The following ALOX15B variants were observed in gnomAD, a reference collection of about 807,000 sequenced individuals.
ALOX15B encodes the protein polyunsaturated fatty acid lipoxygenase ALOX15B.
A neutral mutation model predicts 73.8 loss-of-function variants in ALOX15B; 74 were observed. The ratio of observed to expected loss-of-function variants is 1.00; its 90% CI spans 0.83 to 1.22. The LOEUF (loss-of-function observed/expected upper bound fraction) is 1.22, where lower values mean the gene tolerates loss of function less well. Ranked by LOEUF, ALOX15B falls within the 50% of genes most tolerant of loss-of-function variation. The pLI, the probability that ALOX15B is intolerant of heterozygous loss-of-function variation, is 0.00. For missense variants in ALOX15B, 896 were observed against 859.9 expected (o/e 1.04, Z -0.52); for synonymous variants, 353 against 357.2 (o/e 0.99, Z 0.13).
intron 3 of ALOX15B, among the ~76,000 whole-genome samples, chr17:8,041,417 G>T (rs1272810275): frequency 6.6e-6 from 1 of 152,156 alleles, no homozygotes; most frequent in Non-Finnish European, 1.5e-5. Flanking sequence ...AACACTCTAG[G>T]CTCTTATAAA....
rs200104058 is a variant in ALOX15B at position 8,048,500 on chromosome 17, C to G, written c.1966C>G (p.Gln656Glu). 4 of 1,614,128 alleles carry G rather than the reference C, an allele frequency of 2.5e-6. No individual in the cohort carries two copies. In the East Asian group the frequency reaches 8.9e-5, roughly 36 times the overall value. The change falls in exon 14 of 14, where the codon CAG (glutamine) becomes GAG (glutamate). Residue 656 changes from glutamine to glutamate, a missense_variant. Transcript: ENST00000380183. ...CTCGAGGGGCATCCAGGAGCGGAACCAGGGCCTGGTGCTGCCCTACACCTA... is the reference window on the plus strand; with the variant it reads ...CTCGAGGGGCATCCAGGAGCGGAACGAGGGCCTGGTGCTGCCCTACACCTA... ...QISRGIQERN[Q>E]GLVLPYTYLD...
In ALOX15B at chr17:8,044,821, C is replaced by G; in HGVS notation, c.677-8C>G. On this transcript the variant is annotated splice_polypyrimidine_tract_variant and splice_region_variant and intron_variant, in intron 5 of 13. Transcript: ENST00000380183. ...TGACCCCGTTCCCCTGTCCCCCACC[C>G]CCTGCAGAGCACGCATTTGAGCACT... 1 of 1,612,302 alleles carries G rather than the reference C, an allele frequency of 6.2e-7. No individual in the cohort carries two copies. The highest frequency in any genetic ancestry group is 8.5e-7 in the Non-Finnish European group (1 of 1,178,854).
intron 5 of ALOX15B, among the ~76,000 whole-genome samples, chr17:8,044,439 A>G (rs1425293205): frequency 6.6e-6 from 1 of 151,914 alleles, no homozygotes; most frequent in East Asian, 1.9e-4. Context: ...AAAAAAAAAA[A>G]AAGGAAAGAA....
Position 8,046,651 on chromosome 17 carries a change from A to G in ALOX15B, c.1201-17A>G, listed in dbSNP as rs1976615684. ...AACCCAGGCCTCCCCTAGCTCTGCC[A>G]TTTTCCTGCCATGCAGCTGCTGATC... On this transcript the variant is annotated splice_polypyrimidine_tract_variant and intron_variant, in intron 8 of 13. Transcript: ENST00000380183. 2 of 1,611,346 alleles carry G rather than the reference A, an allele frequency of 1.2e-6. No homozygotes were observed. Among genetic ancestry groups the G allele is most frequent in the Non-Finnish European group, 1.7e-6 (2 of 1,178,944 alleles).
At position 8,039,946 on chromosome 17, in the gene ALOX15B, CG is replaced by C; in HGVS notation, c.413del (p.Arg138ProfsTer58). 6.2e-7 allele frequency: 1 copy of C among 1,613,134 alleles called. No individual in the cohort carries two copies. Among genetic ancestry groups the C allele is most frequent in the Non-Finnish European group, 8.5e-7 (1 of 1,179,616 alleles). On this transcript the variant is annotated frameshift_variant, in exon 3 of 14. Transcript: ENST00000380183. LOFTEE classifies it high-confidence loss of function. The stretch of plus-strand genomic sequence containing the variant: ...CCACCACCCTGTGCTCCAGCAACAG[CG>C]CCAGGAGGAGCTTCAGGCCCGGCAG... Reference protein sequence around the residue: ...ADHHPVLQQQRQEELQARQEM... With the variant: ...ADHHPVLQQQXQEELQARQEM...
rs367758401 is a variant in ALOX15B at position 8,045,362 on chromosome 17, C to T, written c.974C>T (p.Pro325Leu). ...CTATACCAGAGCCCAGGCTGCGGGCCGCTGCTGCCTCTCGCCATCCAGGTA... is the reference window on the plus strand; with the variant it reads ...CTATACCAGAGCCCAGGCTGCGGGCTGCTGCTGCCTCTCGCCATCCAGGTA... Reference protein sequence around the residue: ...TLLYQSPGCGPLLPLAIQLSQ... With the variant: ...TLLYQSPGCGLLLPLAIQLSQ... Residue 325 changes from proline to leucine, a missense_variant, in exon 7 of 14, where the codon CCG (proline) becomes CTG (leucine). Pro to Leu is a moderately conservative substitution (Grantham distance 98). Transcript: ENST00000380183. 1.1e-4 allele frequency: 177 copies of T among 1,614,110 alleles called. No individual in the cohort carries two copies. Among genetic ancestry groups the T allele is most frequent in the Non-Finnish European group, 1.4e-4 (160 of 1,180,024 alleles).
chr17:8,039,518 C>G lies in ALOX15B; in HGVS notation c.280C>G (p.Leu94Val). 6 of 1,558,766 alleles carry G rather than the reference C, an allele frequency of 3.8e-6. No homozygotes were observed. Among genetic ancestry groups the G allele is most frequent in the Non-Finnish European group, 5.2e-6 (6 of 1,155,184 alleles). The change falls in exon 2 of 14, where the codon CTG becomes GTG. Residue 94 changes from leucine to valine, a missense_variant. By Grantham distance (32) the Leu-to-Val change is conservative. Transcript: ENST00000380183. Reference sequence around the variant, plus strand: ...TGCCTGGTTCTGCCGCTGGTTCCAGCTGACACCGCCGCGGGGCGGCCACCT... The same window carrying G: ...TGCCTGGTTCTGCCGCTGGTTCCAGGTGACACCGCCGCGGGGCGGCCACCT... ...PDAWFCRWFQLTPPRGGHLLF... is the reference protein window; with the variant it reads ...PDAWFCRWFQVTPPRGGHLLF...
chr17:8,046,474 G>A lies in ALOX15B; in HGVS notation c.1201-194G>A, dbSNP rs146146180. ...GAGGCTCAGGGAGAGGAAGGAGCAC[G>A]CCTGAGCTCCCAGAACAAGCTGCTG... On this transcript the variant is annotated intron_variant, in intron 8 of 13. Transcript: ENST00000380183. Among the ~76,000 whole-genome samples the A allele has an allele frequency of 3.6e-4, 55 of 152,296 alleles. No individual in the cohort carries two copies. The East Asian group carries it at 8.7e-3, about 24-fold the overall frequency.
intron 3 of ALOX15B, among the ~76,000 whole-genome samples, chr17:8,040,591 A>AAGAG (rs1567969481): frequency 3.3e-5 from 4 of 121,006 alleles, no homozygotes; most frequent in African/African-American, 1.4e-4. Context: ...GAAAGAGAGA[A>AAGAG]AGAAAGAGAG....
At chr17:8,044,129 A>AAGGG (rs2151813387) in intron 5 of ALOX15B, among the ~76,000 whole-genome samples, 1 of 146,218 alleles carries the variant, frequency 6.8e-6, no homozygotes, top group East Asian at 2.0e-4. Flanking sequence ...GGAAGGAAGG[A>AAGGG]AGGAAGGAAG....
At chr17:8,041,251 C>A (rs554241142) in intron 3 of ALOX15B, among the ~76,000 whole-genome samples, 1 of 152,326 alleles carries the variant, frequency 6.6e-6, no homozygotes, top group Admixed American at 6.5e-5. Flanking sequence ...CTCTTCAATT[C>A]TTATTTTCTT....
intron 1 of ALOX15B, 38 bp downstream of exon 1, chr17:8,039,340 G>A: frequency 6.3e-7 from 1 of 1,591,396 alleles, no homozygotes; most frequent in South Asian, 1.1e-5. Flanking sequence ...AGGTGAAGGG[G>A]GCGAGCAGGA....
Position 8,045,481 on chromosome 17 carries a change from A to G in ALOX15B, c.997-2A>G. The G allele has an allele frequency of 6.2e-7, 1 of 1,613,842 alleles. No homozygotes were observed. Among genetic ancestry groups the G allele is most frequent in the South Asian group, 1.1e-5 (1 of 91,060 alleles). Reference sequence around the variant, plus strand: ...CCTCTCTCCCCACCTGCCTCCCCCCAGCTCAGCCAGACCCCCGGCCCAAAC... The same window carrying G: ...CCTCTCTCCCCACCTGCCTCCCCCCGGCTCAGCCAGACCCCCGGCCCAAAC... On this transcript the variant is annotated splice_acceptor_variant, in intron 7 of 13. Coordinates refer to ENST00000380183, the MANE Select transcript of ALOX15B (RefSeq NM_001141.3). LOFTEE classifies it high-confidence loss of function.
At chr17:8,045,175 TAC>T in intron 6 of ALOX15B, 61 bp from the exon 7 acceptor site, 1 of 1,611,124 alleles carries the variant, frequency 6.2e-7, no homozygotes, top group Non-Finnish European at 8.5e-7. Context: ...CTCTCCCTTC[TAC>T]AACTGCACCC....
intron 5 of ALOX15B, among the ~76,000 whole-genome samples, chr17:8,043,273 C>T (rs1243316672): frequency 6.6e-6 from 1 of 152,174 alleles, no homozygotes; most frequent in Admixed American, 6.5e-5. Context: ...GGAGAGGGCC[C>T]CAGGAAAGCT....
At chr17:8,042,975 G>A (rs1485947280) in intron 5 of ALOX15B, 91 bp downstream of exon 5, 1 of 1,061,132 alleles carries the variant, frequency 9.4e-7, no homozygotes, top group African/African-American at 1.6e-5. Context: ...GCACCAATTT[G>A]CTATGTAACC....
chr17:8,047,570 C>G lies in ALOX15B; in HGVS notation c.1586C>G (p.Pro529Arg), dbSNP rs1158874901. ...GFLNQESSGI[P>R]SSLETREALV... ...AGCCCAGCTCTCCTTGCAGGTATACCCTCCTCACTGGAGACCCGGGAAGCC... is the reference window on the plus strand; with the variant it reads ...AGCCCAGCTCTCCTTGCAGGTATACGCTCCTCACTGGAGACCCGGGAAGCC... The change falls in exon 12 of 14, where the codon CCC becomes CGC. Residue 529 changes from proline to arginine, a missense_variant. Physicochemically the swap from Pro to Arg is moderately radical, Grantham distance 103. Coordinates refer to ENST00000380183, the MANE Select transcript of ALOX15B (RefSeq NM_001141.3). 14 of 1,602,954 alleles carry G rather than the reference C, an allele frequency of 8.7e-6. No individual in the cohort carries two copies. In the East Asian group the frequency reaches 2.5e-4, roughly 28 times the overall value.
At position 8,044,690 on chromosome 17, in the gene ALOX15B, G is replaced by C; in HGVS notation, c.677-139G>C. Reference sequence around the variant, plus strand: ...AGGCAGTGACTGAAGACAAGGGGCAGGGGAGGTAACTCTGAGGACACACTG... The same window carrying C: ...AGGCAGTGACTGAAGACAAGGGGCACGGGAGGTAACTCTGAGGACACACTG... On this transcript the variant is annotated intron_variant, in intron 5 of 13. Transcript: ENST00000380183. The C allele has an allele frequency of 4.2e-6, 3 of 708,054 alleles. No homozygotes were observed. In the East Asian group the frequency reaches 8.2e-5, roughly 19 times the overall value. The allele number at this position is 708,054 out of a possible 1,614,324, so 43.9% of individuals were successfully genotyped here.
chr17:8,039,405 C>G lies in ALOX15B; in HGVS notation c.167C>G (p.Thr56Arg), dbSNP rs761412865. ...TAGAEEDFQV[T>R]LPEDVGRVLL... ...CCTCAGGAGGAGGACTTCCAGGTGA[C>G]GCTCCCGGAGGACGTAGGCCGAGTG... The change falls in exon 2 of 14, where the codon ACG becomes AGG. Residue 56 changes from threonine to arginine, a missense_variant. Physicochemically the swap from Thr to Arg is moderately conservative, Grantham distance 71. Coordinates refer to ENST00000380183, the MANE Select transcript of ALOX15B (RefSeq NM_001141.3). The G allele has an allele frequency of 6.2e-7, 1 of 1,612,862 alleles. No individual in the cohort carries two copies. Among genetic ancestry groups the G allele is most frequent in the South Asian group, 1.1e-5 (1 of 90,960 alleles).
Sources: gnomAD v4.1 joint callset for allele counts (sites outside exome capture counted in the v4.1 genomes callset) on GRCh38, gnomAD v4.1.1 for gene constraint, MANE v1.5 for transcripts, NCBI Gene and HGNC (gene_info 2026-07-23, HGNC 2026-07-21) for gene names.